Variants in TRIOBP observed in about 807,000 individuals in gnomAD.
The protein encoded by TRIOBP is TRIO and F-actin binding protein, also known as TRIO and F-actin-binding protein.
TRIOBP carries 169 observed loss-of-function variants against 238.8 expected under a neutral mutation model. The observed-to-expected ratio is 0.71, with a 90% CI of 0.62 to 0.80. The LOEUF (loss-of-function observed/expected upper bound fraction) is 0.80, where lower values mean the gene tolerates loss of function less well. Ranked by LOEUF, TRIOBP falls within the 30% of genes least tolerant of loss-of-function variation. The probability of loss-of-function intolerance (pLI) is 0.00; values close to 1 mark genes in which losing one functional copy is unlikely to be tolerated. For synonymous variants in TRIOBP, 1,150 were observed against 1,274.4 expected (o/e 0.90, Z 2.08); for missense variants, 2,838 against 3,122.6 (o/e 0.91, Z 2.17).
chr22:37,718,127 G>C (rs1200360470), intron 6 of TRIOBP, among the ~76,000 whole-genome samples: 1 of 152,158 alleles, frequency 6.6e-6, no homozygotes, highest in Non-Finnish European at 1.5e-5. Flanking sequence ...CCAGCCGGCC[G>C]CTCCGAGTGC....
chr22:37,746,467 G>T (rs1405701057), intron 11 of TRIOBP: 2 of 1,373,358 alleles, frequency 1.5e-6, no homozygotes, highest in African/African-American at 1.5e-5. Context: ...GGAGAAGGGC[G>T]ACGACCCGAG....
intron 7 of TRIOBP, 71 bp from the exon 8 acceptor site, chr22:37,733,227 G>A (rs1208340911): frequency 9.8e-5 from 119 of 1,211,186 alleles, no homozygotes; most frequent in Non-Finnish European, 1.4e-4. Flanking sequence ...TCCTGTTGGA[G>A]GTGGGAGCAG....
chr22:37,740,203 C>T (rs971683535), intron 10 of TRIOBP, among the ~76,000 whole-genome samples: 14 of 152,190 alleles, frequency 9.2e-5, no homozygotes, highest in African/African-American at 3.1e-4. Context: ...GATTCCAGAG[C>T]GAGGACCCTG....
intron 2 of TRIOBP, among the ~76,000 whole-genome samples, chr22:37,697,912 C>T (rs1253033313): frequency 6.6e-6 from 1 of 151,964 alleles, no homozygotes; most frequent in African/African-American, 2.4e-5. Flanking sequence ...AGTAAGATAC[C>T]AGGGCGGCCG....
chr22:37,710,636 C>T, intron 4 of TRIOBP, 70 bp downstream of exon 4: 1 of 1,544,182 alleles, frequency 6.5e-7, no homozygotes, highest in South Asian at 1.2e-5. Flanking sequence ...CATTTGCACT[C>T]CTTCCCCAAG....
chr22:37,745,203 T>A (rs898899428), intron 11 of TRIOBP, among the ~76,000 whole-genome samples: 3 of 152,162 alleles, frequency 2.0e-5, no homozygotes, highest in Non-Finnish European at 4.4e-5. Context: ...GATGACAGAA[T>A]AATTGAAATG....
In TRIOBP at chr22:37,747,474, T is replaced by G. The variant is rs532203327; in HGVS notation, c.5323-4298T>G. On this transcript the variant is annotated intron_variant, in intron 11 of 23. Coordinates refer to ENST00000644935, the MANE Select transcript of TRIOBP (RefSeq NM_001039141.3). ...AGTGGGTGGGCTGCTGGGGGCGGGCTGGGCTGCTGGGGGGCGTGGCACGCC... is the reference window on the plus strand; with the variant it reads ...AGTGGGTGGGCTGCTGGGGGCGGGCGGGGCTGCTGGGGGGCGTGGCACGCC... Among the ~76,000 whole-genome samples, 35 of 147,084 alleles carry G rather than the reference T, an allele frequency of 2.4e-4. No individual in the cohort carries two copies. The South Asian group carries it at 4.2e-3, about 18-fold the overall frequency.
rs569744672 is a variant in TRIOBP, at chr22:37,759,600, G to A, written c.6324+336G>A. 77 of 1,560,316 alleles carry A rather than the reference G, an allele frequency of 4.9e-5. No homozygotes were observed. The African/African-American group carries it at 8.9e-4, about 18-fold the overall frequency. ...CACTCTGCACTTGGACCCTTGCCCC[G>A]GGGAAGTGGGGGGCTAGTGGCCCCG... On this transcript the variant is annotated intron_variant, in intron 17 of 23. Transcript: ENST00000644935.
chr22:37,743,870 GGT>G (rs10584080), intron 11 of TRIOBP, among the ~76,000 whole-genome samples: 137,533 of 143,172 alleles, frequency 0.96, 66,094 homozygotes, highest in East Asian at 0.99. Flanking sequence ...GTGTGTGCTG[GGT>G]GTGTGTGTGT....
rs540120983 is a variant in TRIOBP at position 37,710,501 on chromosome 22, A to G, written c.189A>G (p.Pro63=). The G allele has an allele frequency of 2.5e-6, 4 of 1,612,482 alleles. No homozygotes were observed. The highest frequency in any genetic ancestry group is 3.4e-6 in the Non-Finnish European group (4 of 1,179,796). Residue 63 remains proline (P), a synonymous_variant, in exon 4 of 24, where the codon CCA becomes CCG. Coordinates refer to ENST00000644935, the MANE Select transcript of TRIOBP (RefSeq NM_001039141.3). ...GATGTCCACCTGCCCCTGAGGACCCACTCAGCGCCTCAACCTCCGGCTGCC... is the reference window on the plus strand; with the variant it reads ...GATGTCCACCTGCCCCTGAGGACCCGCTCAGCGCCTCAACCTCCGGCTGCC... ...LPRCPPAPED[P]LSASTSGCQS...
intron 17 of TRIOBP, among the ~76,000 whole-genome samples, chr22:37,764,720 C>T (rs557916978): frequency 6.6e-6 from 1 of 152,312 alleles, no homozygotes; most frequent in East Asian, 1.9e-4. Flanking sequence ...TATTATTAGT[C>T]TGAGATACTT....
rs755555403 is a variant in TRIOBP at position 37,726,331 on chromosome 22, G to C, written c.3775G>C (p.Gly1259Arg). The change falls in exon 7 of 24, where the codon GGG (glycine) becomes CGG (arginine). Residue 1259 changes from glycine (G) to arginine (R), a missense_variant. Around this residue, in one of 5 missense-constraint regions of TRIOBP, gnomAD observed 2,096 missense variants for 2,137.4 expected, o/e 0.98. Coordinates refer to ENST00000644935, the MANE Select transcript of TRIOBP (RefSeq NM_001039141.3). ...SGGSRGSAPPGETRHNLEREE... is the reference protein window; with the variant it reads ...SGGSRGSAPPRETRHNLEREE... ...GGGCTCCCGGGGCTCAGCGCCTCCC[G>C]GGGAGACCAGGCACAACTTGGAGCG... 1.9e-6 allele frequency: 3 copies of C among 1,611,504 alleles called. No individual in the cohort carries two copies. In the African/African-American group the frequency reaches 4.0e-5, roughly 22 times the overall value.
chr22:37,735,037 G>A lies in TRIOBP; in HGVS notation c.4701G>A (p.Arg1567=). Residue 1567 remains arginine, a synonymous_variant, in exon 9 of 24, where the codon CGG becomes CGA. Transcript: ENST00000644935. ...LDWRDLLGLL[R]APGEGVWARV... ...GGAGGGATCTGCTTGGCCTTCTCCG[G>A]GCACCAGGAGAGGGGGTCTGGGCCC... 1 of 1,608,666 alleles carries A rather than the reference G, an allele frequency of 6.2e-7. No homozygotes were observed. Among genetic ancestry groups the A allele is most frequent in the South Asian group, 1.1e-5 (1 of 91,016 alleles).
At chr22:37,700,659 G>A (rs753893732) in intron 2 of TRIOBP, among the ~76,000 whole-genome samples, 7 of 151,754 alleles carry the variant, frequency 4.6e-5, no homozygotes, top group African/African-American at 7.3e-5. Context: ...CAAATGATCC[G>A]CCGCCCGCAA....
rs1232787880 is a variant in TRIOBP at position 37,725,861 on chromosome 22, A to G, written c.3305A>G (p.Gln1102Arg). The stretch of plus-strand genomic sequence containing the variant: ...GCCGAGCATCAGTGTCAGTCCCCCC[A>G]ACACGAGCCCCTTCAGCTCCCTGCA... The part of the protein sequence containing the change: ...SDAEHQCQSP[Q>R]HEPLQLPAPV... The change falls in exon 7 of 24, where the codon CAA becomes CGA. Residue 1102 changes from glutamine to arginine, a missense_variant. Gln to Arg is a conservative substitution (Grantham distance 43). Around this residue, in one of 5 missense-constraint regions of TRIOBP, gnomAD observed 2,096 missense variants for 2,137.4 expected, o/e 0.98. Coordinates refer to ENST00000644935, the MANE Select transcript of TRIOBP (RefSeq NM_001039141.3). 1 of 1,555,534 alleles carries G rather than the reference A, an allele frequency of 6.4e-7. No individual in the cohort carries two copies. Among genetic ancestry groups the G allele is most frequent in the Admixed American group, 1.9e-5 (1 of 53,614 alleles).
chr22:37,745,540 C>T (rs377767212), intron 11 of TRIOBP, among the ~76,000 whole-genome samples: 1 of 152,154 alleles, frequency 6.6e-6, no homozygotes, highest in Non-Finnish European at 1.5e-5. Flanking sequence ...CACGCCCACA[C>T]CTGAAAAACC....
Position 37,755,136 on chromosome 22 carries a change from C to T in TRIOBP, c.5523C>T (p.Ser1841=). ...TGGATGGTGAGATCGACCTGCGTTC[C>T]TGCACGGATGTCACTGAGTACGCGG... is the stretch of plus-strand genomic sequence containing the variant. ...DELDGEIDLR[S]CTDVTEYAVQ... The change falls in exon 14 of 24, where the codon TCC becomes TCT. Residue 1841 remains serine (S), a synonymous_variant. Transcript: ENST00000644935. The T allele has an allele frequency of 6.2e-7, 1 of 1,613,806 alleles. No homozygotes were observed. The highest frequency in any genetic ancestry group is 1.3e-5 in the African/African-American group (1 of 75,020).
intron 11 of TRIOBP, among the ~76,000 whole-genome samples, chr22:37,745,749 G>A (rs1375078809): frequency 6.6e-6 from 1 of 152,110 alleles, no homozygotes; most frequent in African/African-American, 2.4e-5. Flanking sequence ...TGGTGAGGAC[G>A]AAAATCGACT....
At position 37,740,805 on chromosome 22, in the gene TRIOBP, G is replaced by A. The variant is rs1332146581; in HGVS notation, c.5185-90G>A. The A allele has an allele frequency of 6.5e-6, 10 of 1,533,040 alleles. No individual in the cohort carries two copies. The Admixed American group carries it at 2.0e-4, about 30-fold the overall frequency. 95.0% of individuals were successfully genotyped at this position (1,533,040 alleles called of 1,614,324 possible). Reference sequence around the variant, plus strand: ...GAACCCTGGGGCTCCATGGTGGGGGGCACCACAGAATGGGCAGGGGAGGCT... The same window carrying A: ...GAACCCTGGGGCTCCATGGTGGGGGACACCACAGAATGGGCAGGGGAGGCT... On this transcript the variant is annotated intron_variant, in intron 10 of 23. Coordinates refer to ENST00000644935, the MANE Select transcript of TRIOBP (RefSeq NM_001039141.3).
Sources: allele counts gnomAD v4.1 joint callset (sites outside exome capture counted in the v4.1 genomes callset), GRCh38; gene constraint gnomAD v4.1.1; regional missense constraint gnomAD v4.1.1; transcripts MANE v1.5; gene names NCBI Gene and HGNC (gene_info 2026-07-23, HGNC 2026-07-21).